CCDC102B: variants seen among roughly 807,000 people sequenced by gnomAD.
CCDC102B encodes the protein coiled-coil domain containing 102B.
Under a neutral mutation model 57.4 loss-of-function variants are expected in CCDC102B, and 75 were observed. The ratio of observed to expected loss-of-function variants is 1.31; its 90% confidence interval spans 1.08 to 1.58. CCDC102B has a LOEUF of 1.58. CCDC102B is among the 40% of genes most tolerant of loss of function. CCDC102B has a pLI of 0.00. For synonymous variants in CCDC102B, 206 were observed against 201.9 expected (o/e 1.02, Z -0.17); for missense variants, 636 against 582.6 (o/e 1.09, Z -0.94).
chr18:68,726,184 A>G lies in CCDC102B; in HGVS notation c.-67+9590A>G, dbSNP rs559747464. Among the ~76,000 whole-genome samples the G allele has an allele frequency of 1.9e-3, 285 of 152,302 alleles. 8 individuals carry two copies. In the South Asian group the frequency reaches 0.056, roughly 30 times the overall value. On this transcript the variant is annotated intron_variant, in intron 2 of 3. Coordinates refer to the CCDC102B transcript ENST00000578970. ...AAGGTATAATTGGTATGGATAGAAT[A>G]ATTGGCTGCAAATTCTTCCTCCGAC...
chr18:68,737,602 C>A (rs9954122), intron 2 of CCDC102B, among the ~76,000 whole-genome samples: 3 of 151,882 alleles, frequency 2.0e-5, no homozygotes, highest in African/African-American at 7.3e-5. Context: ...TTATTTTGCC[C>A]TTATTAATGG....
upstream of CCDC102B, among the ~76,000 whole-genome samples, chr18:68,795,162 C>T (rs1054364059): frequency 6.6e-5 from 10 of 151,662 alleles, no homozygotes; most frequent in East Asian, 1.9e-4. Context: ...AGAGTAAGAA[C>T]TTAGGAATAG....
intron 2 of CCDC102B, among the ~76,000 whole-genome samples, chr18:68,750,300 C>T (rs1451362440): frequency 6.6e-6 from 1 of 152,136 alleles, no homozygotes; most frequent in African/African-American, 2.4e-5. Context: ...ACAACAGGTG[C>T]TGGAGAGGAT....
chr18:68,811,356 C>A (rs1031019460), intron 1 of CCDC102B, among the ~76,000 whole-genome samples: 1 of 152,100 alleles, frequency 6.6e-6, no homozygotes, highest in Non-Finnish European at 1.5e-5. Flanking sequence ...CTTGGTGGGT[C>A]ACGCCTGTAA....
At position 68,838,938 on chromosome 18, in the gene CCDC102B, T is replaced by A; in HGVS notation, c.827+12T>A. The A allele has an allele frequency of 6.2e-7, 1 of 1,600,628 alleles. No homozygotes were observed. The highest frequency in any genetic ancestry group is 8.6e-7 in the Non-Finnish European group (1 of 1,168,290). On this transcript the variant is annotated intron_variant, in intron 3 of 7. Transcript: ENST00000360242. ...TGGAAGGAAAGAGAGTAAGTGCTAA[T>A]CATTGTCTCCCTTAACCAAGTCTAA...
chr18:69,041,330 A>G (rs945956331), intron 7 of CCDC102B, among the ~76,000 whole-genome samples: 17 of 152,060 alleles, frequency 1.1e-4, no homozygotes, highest in African/African-American at 4.1e-4. Context: ...AAATTTTACC[A>G]GTTCCCCTTA....
chr18:68,874,165 T>C (rs2039342476), intron 4 of CCDC102B, among the ~76,000 whole-genome samples: 1 of 83,180 alleles, frequency 1.2e-5, no homozygotes, highest in South Asian at 5.7e-4. Flanking sequence ...AAGCAGTGTG[T>C]GTGTATGTGT....
At chr18:68,722,719 G>A (rs2032404413) in intron 2 of CCDC102B, among the ~76,000 whole-genome samples, 1 of 152,094 alleles carries the variant, frequency 6.6e-6, no homozygotes, top group Admixed American at 6.5e-5. Flanking sequence ...AATTTTTCAG[G>A]AAGCGAGAGA....
chr18:68,963,336 T>C (rs2050090163), intron 6 of CCDC102B, among the ~76,000 whole-genome samples: 1 of 151,934 alleles, frequency 6.6e-6, no homozygotes, highest in Admixed American at 6.6e-5. Context: ...TGGAAGAAGG[T>C]TTTTGTAAAT....
At chr18:68,964,055 C>T (rs1030043655) in intron 6 of CCDC102B, among the ~76,000 whole-genome samples, 3 of 151,764 alleles carry the variant, frequency 2.0e-5, no homozygotes, top group Non-Finnish European at 4.4e-5. Flanking sequence ...TGTCTGTCTT[C>T]GGGTCTGGAA....
intron 2 of CCDC102B, among the ~76,000 whole-genome samples, chr18:68,747,470 A>G (rs2033665633): frequency 6.6e-6 from 1 of 152,062 alleles, no homozygotes; most frequent in Non-Finnish European, 1.5e-5. Context: ...TCTAAAATTT[A>G]TTCATCTTGC....
chr18:68,852,051 A>C (rs909378108), intron 4 of CCDC102B, among the ~76,000 whole-genome samples: 1 of 152,180 alleles, frequency 6.6e-6, no homozygotes, highest in Non-Finnish European at 1.5e-5. Context: ...CATTTTACCT[A>C]GAAGACCATT....
intron 7 of CCDC102B, among the ~76,000 whole-genome samples, chr18:69,039,918 A>C (rs1341679807): frequency 6.6e-6 from 1 of 151,826 alleles, no homozygotes; most frequent in Non-Finnish European, 1.5e-5. Context: ...TTTTTTTCCT[A>C]CTCTCCAATT....
chr18:68,977,324 G>A (rs1020373082), intron 6 of CCDC102B, among the ~76,000 whole-genome samples: 6 of 151,908 alleles, frequency 3.9e-5, no homozygotes, highest in African/African-American at 1.4e-4. Context: ...GTGCAGGTTT[G>A]TTACATAGGT....
At chr18:68,795,735 G>T (rs117301335), upstream of CCDC102B, among the ~76,000 whole-genome samples, 6 of 152,232 alleles carry the variant, frequency 3.9e-5, no homozygotes, top group Middle Eastern at 3.4e-3. Context: ...TTCAAAGACC[G>T]TATTTCCAAA....
chr18:68,911,534 C>T lies in CCDC102B; in HGVS notation c.1263+14106C>T, dbSNP rs375633150. 1.9e-3 allele frequency among the ~76,000 whole-genome samples: 290 copies of T among 150,174 alleles called. 1 individual carries two copies. Among genetic ancestry groups the T allele is most frequent in the Middle Eastern group, 3.4e-3 (1 of 292 alleles). ...TTGGGAGGCCGAGGCGGGCGGATCACGAGGTCAGGAGATCGAGACCATCCT... is the reference window on the plus strand; with the variant it reads ...TTGGGAGGCCGAGGCGGGCGGATCATGAGGTCAGGAGATCGAGACCATCCT... On this transcript the variant is annotated intron_variant, in intron 6 of 7. Coordinates refer to ENST00000360242, the MANE Select transcript of CCDC102B (RefSeq NM_024781.3).
upstream of CCDC102B, among the ~76,000 whole-genome samples, chr18:68,796,605 A>T (rs1190265835): frequency 5.3e-5 from 8 of 152,112 alleles, no homozygotes; most frequent in East Asian, 1.5e-3. Flanking sequence ...ATGTAGATTT[A>T]TCTAAGAACA....
intron 2 of CCDC102B, chr18:68,754,958 C>G (rs1428206615): frequency 6.6e-6 from 1 of 152,536 alleles, no homozygotes; most frequent in Non-Finnish European, 1.5e-5. Context: ...ATTTGGACTT[C>G]CCAGGCTCCA....
chr18:68,801,128 C>T (rs9950588), intron 1 of CCDC102B, among the ~76,000 whole-genome samples: 2,389 of 151,964 alleles, frequency 0.016, 53 homozygotes, highest in African/African-American at 0.054. Flanking sequence ...ATCTTTTTGC[C>T]GTACACGAAA....
Sources: allele counts gnomAD v4.1 joint callset (sites outside exome capture counted in the v4.1 genomes callset), GRCh38; gene constraint gnomAD v4.1.1; transcripts MANE v1.5; gene names NCBI Gene and HGNC (gene_info 2026-07-23, HGNC 2026-07-21).